CACNG4: variants seen among roughly 807,000 people sequenced by gnomAD.
CACNG4 encodes the protein calcium voltage-gated channel auxiliary subunit gamma 4.
In CACNG4, 8 loss-of-function variants were observed where a neutral mutation model predicts 22.9. That is an observed-to-expected ratio of 0.35 (90% confidence interval 0.21 to 0.63). The LOEUF is 0.63. Among genes scored for constraint, CACNG4 ranks in the 30% least tolerant of loss-of-function variants. The pLI is 0.72. For missense variants in CACNG4, 357 were observed against 455.4 expected, an observed-to-expected ratio of 0.78 and a Z score of 1.97; for synonymous variants, 188 against 191.9, an observed-to-expected ratio of 0.98 and a Z score of 0.17.
intron 1 of CACNG4, among the ~76,000 whole-genome samples, chr17:66,973,200 A>G (rs1464506362): frequency 6.6e-6 from 1 of 151,362 alleles, no homozygotes; most frequent in Non-Finnish European, 1.5e-5. Context: ...AGAGCTCGCC[A>G]CTACACCCCA....
At chr17:67,014,713 G>T (rs1319941812) in intron 1 of CACNG4, among the ~76,000 whole-genome samples, 1 of 152,266 alleles carries the variant, frequency 6.6e-6, no homozygotes, top group East Asian at 1.9e-4. Context: ...ACGGTGGGTG[G>T]ATTGCTTGAG....
chr17:67,003,002 G>A (rs77499955), intron 1 of CACNG4, among the ~76,000 whole-genome samples: 6,461 of 152,106 alleles, frequency 0.042, 309 homozygotes, highest in East Asian at 0.23. Flanking sequence ...GGAAGACACA[G>A]TATTATGGGT....
intron 1 of CACNG4, among the ~76,000 whole-genome samples, chr17:66,979,745 C>CTTTTTTTTTTTTTTTTTTTTTT (rs35942551): frequency 1.1e-5 from 1 of 92,016 alleles, no homozygotes; most frequent in African/African-American, 4.4e-5. Context: ...TCTTTTCATG[C>CTTTTTTTTTTTTTTTTTTTTTT]TTTTTTTTTT....
At chr17:66,985,410 A>C (rs1248161471) in intron 1 of CACNG4, among the ~76,000 whole-genome samples, 1 of 152,248 alleles carries the variant, frequency 6.6e-6, no homozygotes, top group Non-Finnish European at 1.5e-5. Flanking sequence ...ATTGTCCAAG[A>C]GAGACAAACA....
chr17:67,023,296 G>C (rs1238119047), intron 2 of CACNG4, among the ~76,000 whole-genome samples: 1 of 76,544 alleles, frequency 1.3e-5, no homozygotes, highest in Non-Finnish European at 2.6e-5. Flanking sequence ...TTTTTTTTGA[G>C]ACAGAGTCTC....
intron 1 of CACNG4, among the ~76,000 whole-genome samples, chr17:66,988,494 C>G (rs1211496740): frequency 1.3e-5 from 2 of 152,208 alleles, no homozygotes; most frequent in Admixed American, 6.5e-5. Flanking sequence ...TGCCTCTTGG[C>G]TCCGCGTGTC....
chr17:67,013,252 C>A (rs1445355708), intron 1 of CACNG4, among the ~76,000 whole-genome samples: 4 of 152,172 alleles, frequency 2.6e-5, no homozygotes, highest in Non-Finnish European at 4.4e-5. Flanking sequence ...AGGGTTCACA[C>A]CTCGCTTCCC....
At chr17:66,980,084 A>G (rs2035262612) in intron 1 of CACNG4, among the ~76,000 whole-genome samples, 2 of 152,148 alleles carry the variant, frequency 1.3e-5, no homozygotes, top group Non-Finnish European at 2.9e-5. Context: ...GCATCCAGGA[A>G]CACGCTCCCA....
intron 3 of CACNG4, among the ~76,000 whole-genome samples, chr17:67,025,499 G>T (rs576481094): frequency 6.0e-4 from 91 of 152,356 alleles, no homozygotes; most frequent in Non-Finnish European, 1.0e-4. Context: ...ATGAGTGGCC[G>T]TCTTGCAGAG....
intron 1 of CACNG4, among the ~76,000 whole-genome samples, chr17:67,008,823 C>G (rs1362123047): frequency 6.6e-6 from 1 of 152,154 alleles, no homozygotes; most frequent in Non-Finnish European, 1.5e-5. Flanking sequence ...GTGGCACATG[C>G]CTTTAATCCC....
At chr17:66,990,615 A>T (rs1161949138) in intron 1 of CACNG4, among the ~76,000 whole-genome samples, 2 of 150,912 alleles carry the variant, frequency 1.3e-5, no homozygotes, top group Non-Finnish European at 3.0e-5. Context: ...ATCTTACGAA[A>T]TTTTCTTCTG....
chr17:66,976,178 C>G (rs1299964368), intron 1 of CACNG4, among the ~76,000 whole-genome samples: 1 of 152,174 alleles, frequency 6.6e-6, no homozygotes, highest in South Asian at 2.1e-4. Flanking sequence ...TGAAAACCAT[C>G]AGGATTGGAG....
At chr17:67,003,217 C>T (rs115142578) in intron 1 of CACNG4, among the ~76,000 whole-genome samples, 3 of 152,038 alleles carry the variant, frequency 2.0e-5, no homozygotes, top group East Asian at 1.9e-4. Flanking sequence ...AAATCACCCT[C>T]GGTTTATCCC....
At chr17:66,993,139 G>T (rs2035351845) in intron 1 of CACNG4, among the ~76,000 whole-genome samples, 1 of 152,266 alleles carries the variant, frequency 6.6e-6, no homozygotes, top group Admixed American at 6.5e-5. Flanking sequence ...CCAGCCAGGG[G>T]ACTCCAAGGC....
chr17:67,031,729 T>A lies in CACNG4; in HGVS notation c.*725T>A. 2.2e-6 allele frequency: 1 copy of A among 456,034 alleles called. No homozygotes were observed. Among genetic ancestry groups the A allele is most frequent in the Non-Finnish European group, 4.4e-6 (1 of 226,978 alleles). The allele number at this position is 456,034 out of a possible 1,614,324, so 28.2% of individuals were successfully genotyped here. A position where few individuals can be genotyped will look rare whatever the true frequency, so the allele number is the denominator to read the frequency against. Reference sequence around the variant, plus strand: ...CTCTTTGCTTCTGGAAGTTTCTGCCTCACTCAGAATGGGCAGGACAGACCC... The same window carrying A: ...CTCTTTGCTTCTGGAAGTTTCTGCCACACTCAGAATGGGCAGGACAGACCC... On this transcript the variant is annotated 3_prime_UTR_variant, in exon 4 of 4. Coordinates refer to ENST00000262138, the MANE Select transcript of CACNG4 (RefSeq NM_014405.4). The surrounding 1 kb of genome is among the most constrained non-coding windows in gnomAD (Gnocchi z 4.0).
At chr17:66,974,715 G>T (rs1334763404) in intron 1 of CACNG4, among the ~76,000 whole-genome samples, 1 of 152,130 alleles carries the variant, frequency 6.6e-6, no homozygotes, top group African/African-American at 2.4e-5. Context: ...TGCCAACCCC[G>T]AATGTGCACA....
chr17:67,013,380 G>A (rs1250724382), intron 1 of CACNG4, among the ~76,000 whole-genome samples: 1 of 152,130 alleles, frequency 6.6e-6, no homozygotes, highest in Non-Finnish European at 1.5e-5. Flanking sequence ...GATACTGTAG[G>A]AAATTCAGAA....
Position 67,024,873 on chromosome 17 carries a change from C to T in CACNG4, c.318C>T (p.Ala106=). 10 of 1,573,010 alleles carry T rather than the reference C, an allele frequency of 6.4e-6. No homozygotes were observed. Among genetic ancestry groups the T allele is most frequent in the Non-Finnish European group, 8.6e-6 (10 of 1,161,784 alleles). The part of the protein sequence containing the change: ...SSEYLLRIVR[A]SSVFPILSTI... ...CTCCCCGGCCAGGCATCGTGCGAGC[C>T]TCCAGCGTCTTCCCCATCCTCAGCA... The change falls in exon 3 of 4, where the codon GCC becomes GCT. Residue 106 remains alanine (A), a synonymous_variant. Coordinates refer to ENST00000262138, the MANE Select transcript of CACNG4 (RefSeq NM_014405.4).
chr17:66,999,725 C>G (rs553288607), intron 1 of CACNG4, among the ~76,000 whole-genome samples: 1 of 152,222 alleles, frequency 6.6e-6, no homozygotes, highest in African/African-American at 2.4e-5. Flanking sequence ...CCCATCAATA[C>G]CTGGGGATTA....
Sources: gnomAD v4.1 joint callset for allele counts (sites outside exome capture counted in the v4.1 genomes callset) on GRCh38, gnomAD v4.1.1 for gene constraint, Gnocchi (gnomAD v3.1) non-coding constraint, MANE v1.5 for transcripts, NCBI Gene and HGNC (gene_info 2026-07-23, HGNC 2026-07-21) for gene names.